Variants in ASTN2 observed in about 807,000 individuals in gnomAD.
The protein encoded by ASTN2 is astrotactin-2.
In ASTN2, 54 loss-of-function variants were observed where a neutral mutation model predicts 139.8. The ratio of observed to expected loss-of-function variants is 0.39; its 90% CI spans 0.31 to 0.48. The LOEUF (loss-of-function observed/expected upper bound fraction) is 0.48, where lower values mean the gene tolerates loss of function less well. ASTN2 is among the 20% of genes least tolerant of loss of function. The probability of loss-of-function intolerance (pLI) is 0.95; values close to 1 mark genes in which losing one functional copy is unlikely to be tolerated. For missense variants in ASTN2, 1,565 were observed against 1,725.1 expected (o/e 0.91, Z 1.64); for synonymous variants, 756 against 719.5 (o/e 1.05, Z -0.81).
At chr9:116,490,303 A>AAAAAAAAAAAAAAAAG (rs1564314423) in intron 19 of ASTN2, among the ~76,000 whole-genome samples, 1 of 104,576 alleles carries the variant, frequency 9.6e-6, no homozygotes, top group Non-Finnish European at 2.0e-5. Flanking sequence ...AAAAAAAAAA[A>AAAAAAAAAAAAAAAAG]GGGGGCATTG....
intron 13 of ASTN2, among the ~76,000 whole-genome samples, chr9:116,796,003 T>C (rs1285783642): frequency 6.6e-6 from 1 of 152,168 alleles, no homozygotes; most frequent in Non-Finnish European, 1.5e-5. Context: ...AGGAAGAGGA[T>C]CTAGTCCCTG....
At chr9:117,157,308 A>T (rs772917103) in intron 3 of ASTN2, among the ~76,000 whole-genome samples, 5 of 151,976 alleles carry the variant, frequency 3.3e-5, no homozygotes, top group Non-Finnish European at 5.9e-5. Flanking sequence ...ACTGGAAGGA[A>T]AAAAGACACA....
rs191222066 is a variant in ASTN2, at chr9:117,239,266, G to C, written c.631-24524C>G. Reference sequence around the variant, plus strand: ...TAAGCATCTCCAAATGCCAGGCATTGGGCTAGGCACCTGAAGCACAGAAAT... The same window carrying C: ...TAAGCATCTCCAAATGCCAGGCATTCGGCTAGGCACCTGAAGCACAGAAAT... On this transcript the variant is annotated intron_variant, in intron 2 of 22. Transcript: ENST00000313400. 6.5e-4 allele frequency among the ~76,000 whole-genome samples: 99 copies of C among 152,238 alleles called. 2 individuals carry two copies. Among genetic ancestry groups the C allele is most frequent in the Admixed American group, 1.4e-3 (21 of 15,302 alleles).
chr9:116,582,472 GA>G (rs1853988799), intron 19 of ASTN2: 1 of 152,204 alleles, frequency 6.6e-6, no homozygotes, highest in Admixed American at 6.5e-5. Flanking sequence ...AAAGCCAAAA[GA>G]AAGTATTGTA....
intron 10 of ASTN2, among the ~76,000 whole-genome samples, chr9:116,912,710 T>C (rs548655619): frequency 6.6e-6 from 1 of 152,322 alleles, no homozygotes; most frequent in African/African-American, 2.4e-5. Flanking sequence ...AGGTAAGAGA[T>C]GCAAGCTTGG....
intron 6 of ASTN2, among the ~76,000 whole-genome samples, chr9:117,016,813 T>TTATATATATATATATATATATA (rs11378164): frequency 1.2e-4 from 11 of 92,578 alleles, no homozygotes; most frequent in African/African-American, 3.2e-4. Context: ...TATATATGTT[T>TTATATATATATATATATATATA]TATATATATA....
chr9:117,107,586 C>T (rs990557296), intron 4 of ASTN2, among the ~76,000 whole-genome samples: 1 of 152,068 alleles, frequency 6.6e-6, no homozygotes, highest in Non-Finnish European at 1.5e-5. Flanking sequence ...ATTCTTTTTG[C>T]GTTTTGATGT....
chr9:117,026,111 T>TC (rs1185527247), intron 6 of ASTN2, among the ~76,000 whole-genome samples: 1 of 150,568 alleles, frequency 6.6e-6, no homozygotes, highest in African/African-American at 2.4e-5. Flanking sequence ...TTTTCTTTCT[T>TC]TTTTTTTTAA....
At chr9:117,305,794 T>C (rs557686150) in intron 1 of ASTN2, among the ~76,000 whole-genome samples, 1 of 152,324 alleles carries the variant, frequency 6.6e-6, no homozygotes, top group East Asian at 1.9e-4. Context: ...CATTTCAAAC[T>C]CCTGACATTC....
At chr9:117,212,066 A>T (rs1008654894) in intron 3 of ASTN2, among the ~76,000 whole-genome samples, 2 of 152,210 alleles carry the variant, frequency 1.3e-5, no homozygotes, top group East Asian at 3.9e-4. Context: ...ATAAAAACAG[A>T]CACATACATA....
chr9:116,881,716 G>A (rs762711068), intron 10 of ASTN2, among the ~76,000 whole-genome samples: 3 of 152,200 alleles, frequency 2.0e-5, no homozygotes, highest in Non-Finnish European at 4.4e-5. Flanking sequence ...CCCAGCTTAT[G>A]TAAAACACAA....
chr9:116,906,726 C>T (rs1834171937), intron 10 of ASTN2, among the ~76,000 whole-genome samples: 1 of 152,008 alleles, frequency 6.6e-6, no homozygotes, highest in Admixed American at 6.6e-5. Flanking sequence ...TTGGTGACTA[C>T]TCAGGGAGTG....
chr9:116,685,801 T>C (rs1167396042), intron 16 of ASTN2, among the ~76,000 whole-genome samples: 1 of 151,920 alleles, frequency 6.6e-6, no homozygotes, highest in Non-Finnish European at 1.5e-5. Context: ...TTCAAGACAC[T>C]TGCTTGAGCT....
chr9:117,253,921 T>A (rs1833609544), intron 2 of ASTN2, among the ~76,000 whole-genome samples: 1 of 152,188 alleles, frequency 6.6e-6, no homozygotes, highest in Non-Finnish European at 1.5e-5. Flanking sequence ...GGTTCTTATC[T>A]GCATGAAGTG....
At chr9:116,543,091 T>C (rs1161136890) in intron 19 of ASTN2, among the ~76,000 whole-genome samples, 1 of 151,908 alleles carries the variant, frequency 6.6e-6, no homozygotes, top group East Asian at 1.9e-4. Context: ...CTAAAGACCA[T>C]CCGGCACATT....
In ASTN2 at chr9:116,704,477, TTA is replaced by T. The variant is rs1827939420; in HGVS notation, c.2806+21292_2806+21293del. 2.6e-5 allele frequency among the ~76,000 whole-genome samples: 4 copies of T among 152,306 alleles called. No homozygotes were observed. In the South Asian group the frequency reaches 6.2e-4, roughly 24 times the overall value. The stretch of plus-strand genomic sequence containing the variant: ...TTGGTAAAAGAAAATGAATGACAGT[TTA>T]TGTTTTAAAGGGCTGTTGTGAGAAT... On this transcript the variant is annotated intron_variant, in intron 16 of 22. Coordinates refer to ENST00000313400, the MANE Select transcript of ASTN2 (RefSeq NM_001365068.1).
chr9:117,071,614 C>T (rs371314786), intron 5 of ASTN2, among the ~76,000 whole-genome samples: 12,340 of 144,078 alleles, frequency 0.086, 646 homozygotes, highest in East Asian at 0.15. Flanking sequence ...CCCAGCCTCG[C>T]TGCCGCCTTG....
intron 1 of ASTN2, among the ~76,000 whole-genome samples, chr9:117,411,446 C>CAAAAAAAAAAAAAAAAAAAAAAGAAAA (rs1831158643): frequency 2.3e-5 from 1 of 43,224 alleles, no homozygotes. Context: ...AAAGGATCTG[C>CAAAAAAAAAAAAAAAAAAAAAAGAAAA]AAAAAAAAAA....
chr9:116,997,178 CT>C (rs1451211137), intron 7 of ASTN2, among the ~76,000 whole-genome samples: 2 of 152,134 alleles, frequency 1.3e-5, no homozygotes, highest in African/African-American at 4.8e-5. Flanking sequence ...TTCATAGTCT[CT>C]TTTGTAGTTT....
Sources: allele counts gnomAD v4.1 joint callset (sites outside exome capture counted in the v4.1 genomes callset), GRCh38; gene constraint gnomAD v4.1.1; transcripts MANE v1.5; gene names NCBI Gene and HGNC (gene_info 2026-07-23, HGNC 2026-07-21).